Variants in DENND5A observed in about 807,000 individuals in gnomAD.
DENND5A encodes the protein DENN domain-containing protein 5A.
In DENND5A, 64 loss-of-function variants were observed where a neutral mutation model predicts 140.3. The ratio of observed to expected loss-of-function variants is 0.46; its 90% CI spans 0.37 to 0.56. The LOEUF (loss-of-function observed/expected upper bound fraction) is 0.56. Among genes scored for constraint, DENND5A ranks in the 20% least tolerant of loss-of-function variants. The pLI, the probability that DENND5A is intolerant of heterozygous loss-of-function variation, is 0.00. For missense variants in DENND5A, 1,292 were observed against 1,593.8 expected, an observed-to-expected ratio of 0.81 and a Z score of 3.22; for synonymous variants, 605 against 607.7, an observed-to-expected ratio of 1.00 and a Z score of 0.07.
intron 9 of DENND5A, 56 bp from the exon 10 acceptor site, chr11:9,170,005 G>T: frequency 8.0e-7 from 1 of 1,252,360 alleles, no homozygotes; most frequent in Non-Finnish European, 1.2e-6. Context: ...AAAAAGCAAT[G>T]TCAACTAACA....
In DENND5A at chr11:9,169,873, C is replaced by T; in HGVS notation, c.2134G>A (p.Asp712Asn). 1 of 1,611,824 alleles carries T rather than the reference C, an allele frequency of 6.2e-7. No homozygotes were observed. The highest frequency in any genetic ancestry group is 8.5e-7 in the Non-Finnish European group (1 of 1,177,898). Residue 712 changes from aspartate to asparagine, a missense_variant, in exon 10 of 23, where the codon GAT (aspartate) becomes AAT (asparagine). By Grantham distance (23) the Asp-to-Asn change is conservative (BLOSUM62 1). Transcript: ENST00000328194. Reference protein sequence around the residue: ...QKQHTEHLRLDNDQREKYIQE... With the variant: ...QKQHTEHLRLNNDQREKYIQE... Reference sequence around the variant, plus strand: ...TATCTTACCTCCCTCTGGTCATTATCTAAACGCAGGTGTTCTGTGTGCTGC... The same window carrying T: ...TATCTTACCTCCCTCTGGTCATTATTTAAACGCAGGTGTTCTGTGTGCTGC...
intron 6 of DENND5A, among the ~76,000 whole-genome samples, chr11:9,180,236 T>C (rs941719792): frequency 2.0e-5 from 3 of 152,074 alleles, no homozygotes. Flanking sequence ...GAGGACTGCT[T>C]GAGCCCGGAA....
At chr11:9,227,214 A>ATAAATC (rs1850568672) in intron 1 of DENND5A, among the ~76,000 whole-genome samples, 2 of 22,040 alleles carry the variant, frequency 9.1e-5, no homozygotes, top group Non-Finnish European at 1.9e-4. Context: ...ATAAATAAGC[A>ATAAATC]AGCAAGCACA....
chr11:9,212,513 C>G (rs902104100), intron 1 of DENND5A, among the ~76,000 whole-genome samples: 1 of 151,686 alleles, frequency 6.6e-6, no homozygotes, highest in East Asian at 1.9e-4. Context: ...TAAGAGAGAA[C>G]CTTGAAAAGA....
chr11:9,232,576 G>C (rs533580358), intron 1 of DENND5A, among the ~76,000 whole-genome samples: 2 of 152,270 alleles, frequency 1.3e-5, no homozygotes, highest in South Asian at 4.1e-4. Flanking sequence ...AATGCCAAGA[G>C]TTGGTAAGGA....
intron 7 of DENND5A, 29 bp from the exon 8 acceptor site, chr11:9,178,395 G>A (rs757002353): frequency 4.9e-6 from 7 of 1,424,178 alleles, no homozygotes; most frequent in Non-Finnish European, 6.9e-6. Context: ...AGCAGTAATT[G>A]ACAGGGAAAA....
chr11:9,144,297 A>T lies in DENND5A; in HGVS notation c.3123-19T>A, dbSNP rs749382427. 4.3e-6 allele frequency: 7 copies of T among 1,612,796 alleles called. No individual in the cohort carries two copies. Among genetic ancestry groups the T allele is most frequent in the Non-Finnish European group, 5.1e-6 (6 of 1,179,746 alleles). On this transcript the variant is annotated intron_variant, in intron 18 of 22. Coordinates refer to ENST00000328194, the MANE Select transcript of DENND5A (RefSeq NM_015213.4). ...CGGGAACCTGAAGATCAGACAATGGACTGTCAGAGCAGCCAGCTCCTCCCT... is the reference window on the plus strand; with the variant it reads ...CGGGAACCTGAAGATCAGACAATGGTCTGTCAGAGCAGCCAGCTCCTCCCT...
chr11:9,221,805 C>T lies in DENND5A; in HGVS notation c.110-14173G>A, dbSNP rs185997276. On this transcript the variant is annotated intron_variant, in intron 1 of 22. Transcript: ENST00000328194. ...TGGAGTCTTGCTCTGTCACCCAGGC[C>T]GGAGTACAGTGGTGCGATCTTGGCT... is the stretch of plus-strand genomic sequence containing the variant. 3.3e-3 allele frequency among the ~76,000 whole-genome samples: 506 copies of T among 151,990 alleles called. 2 individuals carry two copies. The highest frequency in any genetic ancestry group is 0.012 in the African/African-American group (484 of 41,450).
intron 1 of DENND5A, among the ~76,000 whole-genome samples, chr11:9,227,692 C>T (rs1850587714): frequency 6.6e-6 from 1 of 152,034 alleles, no homozygotes; most frequent in African/African-American, 2.4e-5. Context: ...GGTGCAGTGG[C>T]TCATGCCTGT....
intron 1 of DENND5A, among the ~76,000 whole-genome samples, chr11:9,236,092 T>G (rs1267835307): frequency 6.6e-6 from 1 of 151,520 alleles, no homozygotes; most frequent in East Asian, 1.9e-4. Context: ...AATTTAAAAA[T>G]TAGCCCAGTA....
In DENND5A at chr11:9,139,547, C is replaced by CT; in HGVS notation, c.*123dup. 3 of 828,174 alleles carry CT rather than the reference C, an allele frequency of 3.6e-6. No individual in the cohort carries two copies. Among genetic ancestry groups the CT allele is most frequent in the Non-Finnish European group, 5.5e-6 (3 of 544,868 alleles). The allele number at this position is 828,174 out of a possible 1,614,324, so 51.3% of individuals were successfully genotyped here. A position where few individuals can be genotyped will look rare whatever the true frequency, so the allele number is the denominator to read the frequency against. On this transcript the variant is annotated 3_prime_UTR_variant, in exon 23 of 23. Coordinates refer to ENST00000328194, the MANE Select transcript of DENND5A (RefSeq NM_015213.4). ...TTTATTCCAAAAATCCTCTAGTTTT[C>CT]TTTTTACAGTGAGTGTACATTTTGT...
intron 4 of DENND5A, among the ~76,000 whole-genome samples, chr11:9,197,563 C>A (rs1481608065): frequency 4.6e-5 from 7 of 151,598 alleles, no homozygotes; most frequent in Non-Finnish European, 7.4e-5. Context: ...GGTGTGGTTG[C>A]ACGTACCTGT....
chr11:9,195,783 G>A (rs748414425), intron 4 of DENND5A, among the ~76,000 whole-genome samples: 14 of 152,028 alleles, frequency 9.2e-5, no homozygotes, highest in South Asian at 2.1e-4. Flanking sequence ...TTACTAGTGT[G>A]ATAAATATGT....
intron 1 of DENND5A, among the ~76,000 whole-genome samples, chr11:9,225,107 C>A (rs913160899): frequency 1.3e-5 from 2 of 152,146 alleles, no homozygotes; most frequent in African/African-American, 4.8e-5. Context: ...ACTATCCACT[C>A]CCTCTTTTTT....
At chr11:9,240,613 G>C (rs1851195431) in intron 1 of DENND5A, among the ~76,000 whole-genome samples, 3 of 152,046 alleles carry the variant, frequency 2.0e-5, no homozygotes, top group African/African-American at 7.2e-5. Context: ...AGGACGATGA[G>C]GTGGGAGGAT....
At chr11:9,205,477 G>A (rs1331143206) in intron 3 of DENND5A, among the ~76,000 whole-genome samples, 1 of 152,146 alleles carries the variant, frequency 6.6e-6, no homozygotes, top group African/African-American at 2.4e-5. Flanking sequence ...CAAAAAACTT[G>A]AGGCTCTCAA....
At chr11:9,140,260 G>A in intron 22 of DENND5A, 1 of 1,258,286 alleles carries the variant, frequency 7.9e-7, no homozygotes. Context: ...TGTGATATGA[G>A]GTAGGTACTA....
At chr11:9,212,544 A>T (rs1196116516) in intron 1 of DENND5A, among the ~76,000 whole-genome samples, 1 of 152,130 alleles carries the variant, frequency 6.6e-6, no homozygotes, top group African/African-American at 2.4e-5. Flanking sequence ...AAGGATACAC[A>T]TTATATTCAA....
intron 1 of DENND5A, among the ~76,000 whole-genome samples, chr11:9,256,442 A>G (rs1322336176): frequency 6.6e-6 from 1 of 152,072 alleles, no homozygotes; most frequent in Non-Finnish European, 1.5e-5. Context: ...CCTGAGCAAC[A>G]AGAATGAAAC....
Sources: gnomAD v4.1 joint callset for allele counts (sites outside exome capture counted in the v4.1 genomes callset) on GRCh38, gnomAD v4.1.1 for gene constraint, MANE v1.5 for transcripts, NCBI Gene and HGNC (gene_info 2026-07-23, HGNC 2026-07-21) for gene names.